Variants in VAV3 observed in about 807,000 individuals in gnomAD.
VAV3 encodes guanine nucleotide exchange factor VAV3.
Under a neutral mutation model 131.2 loss-of-function variants are expected in VAV3, and 94 were observed. The ratio of observed to expected loss-of-function variants is 0.72; its 90% CI spans 0.61 to 0.85. The LOEUF is 0.85. VAV3 is among the 40% of genes least tolerant of loss of function. VAV3 has a pLI of 0.00. For synonymous variants in VAV3, 349 were observed against 342.0 expected (o/e 1.02, Z -0.22); for missense variants, 939 against 1,002.7 (o/e 0.94, Z 0.86).
Position 107,601,803 on chromosome 1 carries a change from A to G in VAV3, c.2220+594T>C, listed in dbSNP as rs1651887049. Among the ~76,000 whole-genome samples, 4 of 152,104 alleles carry G rather than the reference A, an allele frequency of 2.6e-5. No individual in the cohort carries two copies. The South Asian group carries it at 8.3e-4, about 32-fold the overall frequency. On this transcript the variant is annotated intron_variant, in intron 24 of 26. Coordinates refer to ENST00000370056, the MANE Select transcript of VAV3 (RefSeq NM_006113.5). ...TTTTTTTAAACTGGGAATAATCCTT[A>G]TTCATTTGATGTGATTTGACAATAT...
chr1:107,610,127 T>C (rs981648984), intron 21 of VAV3, among the ~76,000 whole-genome samples, 162 bp from the exon 22 acceptor site: 6 of 152,204 alleles, frequency 3.9e-5, no homozygotes, highest in Non-Finnish European at 7.3e-5. Context: ...ATAGTATCTG[T>C]CAGATAAGTA....
At chr1:107,595,518 A>G (rs184957183) in intron 25 of VAV3, among the ~76,000 whole-genome samples, 74 of 152,322 alleles carry the variant, frequency 4.9e-4, no homozygotes, top group African/African-American at 1.8e-3. Flanking sequence ...TATCAGATTA[A>G]GAAAATAAAA....
chr1:107,718,896 A>C (rs1661304002), intron 15 of VAV3, among the ~76,000 whole-genome samples: 1 of 152,230 alleles, frequency 6.6e-6, no homozygotes, highest in African/African-American at 2.4e-5. Context: ...CCACAGAAAT[A>C]ACACCACACA....
chr1:107,573,348 C>T lies in VAV3; in HGVS notation c.2527G>A (p.Val843Met). 6.2e-7 allele frequency: 1 copy of T among 1,614,172 alleles called. No individual in the cohort carries two copies. The highest frequency in any genetic ancestry group is 8.5e-7 in the Non-Finnish European group (1 of 1,180,022). The part of the protein sequence containing the change: ...GRVGWFPSTY[V>M]EEDE ...ATTTGAATTTATTCATCCTCTTCCA[C>T]ATATGTGGATGGAAACCAGCCCACC... is the stretch of plus-strand genomic sequence containing the variant. The change falls in exon 27 of 27, where the codon GTG becomes ATG. Residue 843 changes from valine to methionine, a missense_variant. Coordinates refer to ENST00000370056, the MANE Select transcript of VAV3 (RefSeq NM_006113.5).
Position 107,835,761 on chromosome 1 carries a change from G to A in VAV3, c.321+39140C>T, listed in dbSNP as rs181661245. On this transcript the variant is annotated intron_variant, in intron 2 of 26. Coordinates refer to ENST00000370056, the MANE Select transcript of VAV3 (RefSeq NM_006113.5). Reference sequence around the variant, plus strand: ...GCACCATACCATCTGCACAGCCACAGCATCACTGCTCTGCCCAAAGATCCC... The same window carrying A: ...GCACCATACCATCTGCACAGCCACAACATCACTGCTCTGCCCAAAGATCCC... Among the ~76,000 whole-genome samples, 141 of 152,284 alleles carry A rather than the reference G, an allele frequency of 9.3e-4. 1 individual carries two copies. Among genetic ancestry groups the A allele is most frequent in the Middle Eastern group, 6.8e-3 (2 of 294 alleles).
intron 1 of VAV3, among the ~76,000 whole-genome samples, chr1:107,925,530 C>T (rs1181921624): frequency 6.6e-6 from 1 of 151,982 alleles, no homozygotes; most frequent in Non-Finnish European, 1.5e-5. Flanking sequence ...CCATATGCTA[C>T]AACATGGATA....
At position 107,670,297 on chromosome 1, in the gene VAV3, G is replaced by A. The variant is rs1428593248; in HGVS notation, c.1777+13191C>T. ...GCCTGTGTTATGACCACACAGAGAG[G>A]AGGTAACAAAGCCAAGAATCTGGAT... On this transcript the variant is annotated intron_variant, in intron 19 of 26. Transcript: ENST00000370056. 2.0e-5 allele frequency among the ~76,000 whole-genome samples: 3 copies of A among 152,168 alleles called. No individual in the cohort carries two copies. In the East Asian group the frequency reaches 5.8e-4, roughly 29 times the overall value.
intron 2 of VAV3, among the ~76,000 whole-genome samples, chr1:107,868,621 G>A (rs1670112049): frequency 6.6e-6 from 1 of 152,142 alleles, no homozygotes; most frequent in Admixed American, 6.6e-5. Context: ...AGCTGGGACT[G>A]TACTTCTATT....
intron 1 of VAV3, among the ~76,000 whole-genome samples, chr1:107,894,418 G>A (rs560717644): frequency 5.3e-4 from 80 of 152,140 alleles, no homozygotes; most frequent in Non-Finnish European, 9.1e-4. Context: ...TCCTGACTAC[G>A]GCAAGTTTCA....
At chr1:107,602,546 AC>A in intron 23 of VAV3, 62 bp from the exon 24 acceptor site, 1 of 1,283,900 alleles carries the variant, frequency 7.8e-7, no homozygotes, top group Non-Finnish European at 1.1e-6. Flanking sequence ...ATCAATAATT[AC>A]CAGAGGGCAT....
At chr1:107,581,608 G>T (rs1012611294) in intron 25 of VAV3, among the ~76,000 whole-genome samples, 1 of 152,142 alleles carries the variant, frequency 6.6e-6, no homozygotes, top group Admixed American at 6.5e-5. Context: ...TCTGAGACCT[G>T]ACTGAGAAGA....
chr1:107,692,403 T>C (rs1659484229), intron 17 of VAV3, among the ~76,000 whole-genome samples: 1 of 152,114 alleles, frequency 6.6e-6, no homozygotes, highest in Non-Finnish European at 1.5e-5. Context: ...CTGACCCAAA[T>C]AGATGGAAGG....
chr1:107,827,585 C>T (rs998295556), intron 2 of VAV3, among the ~76,000 whole-genome samples: 1 of 152,164 alleles, frequency 6.6e-6, no homozygotes, highest in African/African-American at 2.4e-5. Context: ...GATCAAAGAA[C>T]TCATTTAACT....
In VAV3 at chr1:107,964,604, T is replaced by TC; in HGVS notation, c.204+61_204+62insG. The TC allele has an allele frequency of 1.9e-6, 3 of 1,550,330 alleles. No individual in the cohort carries two copies. The South Asian group carries it at 3.5e-5, about 18-fold the overall frequency. ...AGACGTTTGCATTTACACAAAGAAA[T>TC]TAGCCGCATGATTAATGGGAGCTGC... On this transcript the variant is annotated intron_variant, in intron 1 of 26. Coordinates refer to ENST00000370056, the MANE Select transcript of VAV3 (RefSeq NM_006113.5).
rs555746655 is a variant in VAV3, at chr1:107,766,497, T to C, written c.771A>G (p.Val257=). The C allele has an allele frequency of 5.6e-6, 9 of 1,613,582 alleles. No homozygotes were observed. The African/African-American group carries it at 1.1e-4, about 19-fold the overall frequency. Residue 257 remains valine (V), a synonymous_variant, in exon 8 of 27, where the codon GTA becomes GTG. Transcript: ENST00000370056. The stretch of plus-strand genomic sequence containing the variant: ...GGTACAAGTTCTGGTCATTTTTATT[T>C]ACAATGGAATCATGAATCTCTTGCA... The part of the protein sequence containing the change: ...NLMQEIHDSI[V]NKNDQNLYQV...
intron 25 of VAV3, among the ~76,000 whole-genome samples, chr1:107,579,504 T>C (rs988918049): frequency 6.6e-6 from 1 of 152,210 alleles, no homozygotes; most frequent in African/African-American, 2.4e-5. Context: ...CAGCCCTCCT[T>C]GTCGCCTTTC....
At chr1:107,737,958 A>G (rs1288171049) in intron 15 of VAV3, among the ~76,000 whole-genome samples, 1 of 152,224 alleles carries the variant, frequency 6.6e-6, no homozygotes, top group East Asian at 1.9e-4. Context: ...ACTAACCCAA[A>G]TGTCCAACAA....
At chr1:107,855,276 T>G (rs533573272) in intron 2 of VAV3, among the ~76,000 whole-genome samples, 56 of 152,260 alleles carry the variant, frequency 3.7e-4, no homozygotes, top group Admixed American at 5.2e-4. Context: ...TAACTCTATT[T>G]ATTTTATTTT....
At chr1:107,671,262 T>TGATCACAAC (rs1393273051) in intron 19 of VAV3, among the ~76,000 whole-genome samples, 4 of 152,242 alleles carry the variant, frequency 2.6e-5, no homozygotes, top group Non-Finnish European at 4.4e-5. Context: ...GAGGTAGCTA[T>TGATCACAAC]GATCACAACG....
Sources: gnomAD v4.1 joint callset for allele counts (sites outside exome capture counted in the v4.1 genomes callset) on GRCh38, gnomAD v4.1.1 for gene constraint, MANE v1.5 for transcripts, NCBI Gene and HGNC (gene_info 2026-07-23, HGNC 2026-07-21) for gene names.